The following ADGRF5 variants were observed in gnomAD, a reference collection of about 807,000 sequenced individuals.
The protein encoded by ADGRF5 is G-protein coupled receptor 116.
A neutral mutation model predicts 132.3 loss-of-function variants in ADGRF5; 75 were observed. That is an observed-to-expected ratio of 0.57 (90% CI 0.47 to 0.69). ADGRF5 has a LOEUF of 0.69. Among genes scored for constraint, ADGRF5 ranks in the 30% least tolerant of loss-of-function variants. The pLI is 0.00. For missense variants in ADGRF5, 1,516 were observed against 1,630.6 expected (o/e 0.93, Z 1.21); for synonymous variants, 629 against 597.6 (o/e 1.05, Z -0.77).
chr6:46,885,889 A>G (rs555942346), intron 4 of ADGRF5, among the ~76,000 whole-genome samples: 4 of 152,250 alleles, frequency 2.6e-5, no homozygotes, highest in Non-Finnish European at 4.4e-5. Context: ...CTTAACAAAT[A>G]TAAATACAAT....
Position 46,943,848 on chromosome 6 carries a change from C to G in ADGRF5, c.-25+10886G>C, listed in dbSNP as rs112622355. On this transcript the variant is annotated intron_variant, in intron 1 of 20. Coordinates refer to the ADGRF5 transcript ENST00000265417. ...ACATACGATGGTTCAAAGGATGGTA[C>G]AAAGCGATACAGAATTCTCTTCCAA... is the stretch of plus-strand genomic sequence containing the variant. Among the ~76,000 whole-genome samples, 704 of 152,238 alleles carry G rather than the reference C, an allele frequency of 4.6e-3. 4 individuals carry two copies. The highest frequency in any genetic ancestry group is 7.8e-3 in the Non-Finnish European group (530 of 68,022).
intron 17 of ADGRF5, 30 bp from the exon 18 acceptor site, chr6:46,856,938 A>G: frequency 6.5e-7 from 1 of 1,537,330 alleles, no homozygotes; most frequent in Non-Finnish European, 9.0e-7. Flanking sequence ...AAAGAAGTGC[A>G]TTTTAATTAT....
intron 11 of ADGRF5, among the ~76,000 whole-genome samples, chr6:46,869,648 C>G (rs905007939): frequency 6.6e-6 from 1 of 152,146 alleles, no homozygotes; most frequent in African/African-American, 2.4e-5. Flanking sequence ...AGTACACAGT[C>G]AATGCTTAAT....
chr6:46,953,687 A>ATCTATC (rs1554131451), intron 1 of ADGRF5, among the ~76,000 whole-genome samples: 4 of 130,274 alleles, frequency 3.1e-5, no homozygotes, highest in Non-Finnish European at 6.5e-5. Context: ...ATATATATAT[A>ATCTATC]TATCTCACTG....
rs148575429 is a variant in ADGRF5, at chr6:46,902,694, T to C, written c.103-2611A>G. ...AACTTTCAGGCCACATCTTTGCAAG[T>C]GCCGCTTCCACAGCTCTGTCACCTA... On this transcript the variant is annotated intron_variant, in intron 2 of 20. Coordinates refer to ENST00000283296, the MANE Select transcript of ADGRF5 (RefSeq NM_001098518.2). Among the ~76,000 whole-genome samples, 914 of 152,294 alleles carry C rather than the reference T, an allele frequency of 6.0e-3. 9 individuals are homozygous for C. Among genetic ancestry groups the C allele is most frequent in the African/African-American group, 0.021 (866 of 41,562 alleles).
In ADGRF5 at chr6:46,861,707, A is replaced by G. The variant is rs559905539; in HGVS notation, c.2200-813T>C. ...TTCCTATAATTCCTAACATAGTACA[A>G]GTCATATAACTCAGCACACAGTAAG... On this transcript the variant is annotated intron_variant, in intron 15 of 20. Coordinates refer to ENST00000283296, the MANE Select transcript of ADGRF5 (RefSeq NM_001098518.2). Among the ~76,000 whole-genome samples, 7 of 152,350 alleles carry G rather than the reference A, an allele frequency of 4.6e-5. No homozygotes were observed. In the East Asian group the frequency reaches 1.3e-3, roughly 29 times the overall value.
At position 46,900,096 on chromosome 6, in the gene ADGRF5, T is replaced by C; in HGVS notation, c.103-13A>G. 1.2e-6 allele frequency: 2 copies of C among 1,605,922 alleles called. No individual in the cohort carries two copies. Among genetic ancestry groups the C allele is most frequent in the Non-Finnish European group, 8.5e-7 (1 of 1,172,524 alleles). ...GTTCATGAAGACTCTGAAAAGAACA[T>C]TTGAGAAAGTTGTCAATTAACGTTA... On this transcript the variant is annotated splice_polypyrimidine_tract_variant and intron_variant, in intron 2 of 20. Transcript: ENST00000283296.
chr6:46,930,732 C>T (rs975274509), intron 1 of ADGRF5, among the ~76,000 whole-genome samples: 3 of 152,156 alleles, frequency 2.0e-5, no homozygotes, highest in African/African-American at 7.2e-5. Context: ...ATCCTTGCCT[C>T]ATATTTCACT....
rs76660188 is a variant in ADGRF5 at position 46,915,288 on chromosome 6, T to TTAATAATAATAATAA, written c.-25+6410_-25+6424dup. ...AGCTCCAAAATAATACTTGACTATT[T>TTAATAATAATAATAA]TAATAATAATAATAATAATAATAAT... On this transcript the variant is annotated intron_variant, in intron 1 of 20. Transcript: ENST00000283296. 6.7e-3 allele frequency among the ~76,000 whole-genome samples: 1,005 copies of TTAATAATAATAATAA among 149,582 alleles called. 10 individuals carry two copies. Among genetic ancestry groups the TTAATAATAATAATAA allele is most frequent in the African/African-American group, 0.022 (878 of 40,522 alleles).
At position 46,909,687 on chromosome 6, in the gene ADGRF5, G is replaced by A. The variant is rs142560266; in HGVS notation, c.-24-2901C>T. 1.8e-3 allele frequency among the ~76,000 whole-genome samples: 278 copies of A among 152,228 alleles called. 3 individuals carry two copies. The highest frequency in any genetic ancestry group is 6.4e-3 in the African/African-American group (265 of 41,544). ...GTTCTTACAACCCTTAGAAACAACC[G>A]GTGCTGGCTGGGTGTGGTAATGCAT... On this transcript the variant is annotated intron_variant, in intron 1 of 20. Transcript: ENST00000283296.
chr6:46,944,198 G>T (rs9296516), intron 1 of ADGRF5, among the ~76,000 whole-genome samples: 1 of 152,068 alleles, frequency 6.6e-6, no homozygotes, highest in Non-Finnish European at 1.5e-5. Flanking sequence ...GGATAAAACC[G>T]TTCAGATCAT....
At chr6:46,930,809 T>C (rs1777522838) in intron 1 of ADGRF5, among the ~76,000 whole-genome samples, 1 of 152,146 alleles carries the variant, frequency 6.6e-6, no homozygotes, top group African/African-American at 2.4e-5. Context: ...TCCCAACAGT[T>C]TGGGAGGCTG....
At chr6:46,946,765 C>T (rs35870788) in intron 1 of ADGRF5, among the ~76,000 whole-genome samples, 5,004 of 152,176 alleles carry the variant, frequency 0.033, 118 homozygotes, top group Middle Eastern at 0.058. Context: ...AGGCCAATGG[C>T]GTTATTTCCT....
intron 1 of ADGRF5, among the ~76,000 whole-genome samples, chr6:46,954,496 C>G (rs1778649510): frequency 6.6e-6 from 1 of 151,286 alleles, no homozygotes; most frequent in Admixed American, 6.6e-5. Context: ...AGAATCGACA[C>G]CATGATCTAT....
rs143562352 is a variant in ADGRF5 at position 46,900,633 on chromosome 6, C to G, written c.103-550G>C. ...GTAGTAGGAACTAAGAAAGCCTGCT[C>G]TAGAGTCAGACTGCCTGGGTACAAG... On this transcript the variant is annotated intron_variant, in intron 2 of 20. Coordinates refer to ENST00000283296, the MANE Select transcript of ADGRF5 (RefSeq NM_001098518.2). Among the ~76,000 whole-genome samples, 264 of 152,278 alleles carry G rather than the reference C, an allele frequency of 1.7e-3. 1 individual carries two copies. The highest frequency in any genetic ancestry group is 6.1e-3 in the African/African-American group (253 of 41,556).
chr6:46,881,345 G>T (rs1772436552), intron 8 of ADGRF5, 110 bp downstream of exon 8: 1 of 888,362 alleles, frequency 1.1e-6, no homozygotes. Context: ...AACCCCCTGT[G>T]CCAGGAACTG....
chr6:46,910,055 A>C (rs1401179686), intron 1 of ADGRF5, among the ~76,000 whole-genome samples: 1 of 151,890 alleles, frequency 6.6e-6, no homozygotes, highest in Non-Finnish European at 1.5e-5. Flanking sequence ...AGAAACAATC[A>C]GTGCTTAAGA....
rs1326253049 is a variant in ADGRF5 at position 46,881,573 on chromosome 6, A to G, written c.696T>C (p.Tyr232=). Residue 232 remains tyrosine, a synonymous_variant, in exon 8 of 21, where the codon TAT becomes TAC. Transcript: ENST00000283296. The part of the protein sequence containing the change: ...GFKSGSVVVT[Y]EVKTTPPSLE... ...GTGATGGTGGTGTAGTCTTGACTTC[A>G]TATGTCACAACCACACTTCCAGACC... 7.4e-6 allele frequency: 12 copies of G among 1,613,756 alleles called. No individual in the cohort carries two copies. The highest frequency in any genetic ancestry group is 9.3e-6 in the Non-Finnish European group (11 of 1,179,820).
At chr6:46,901,106 G>T (rs1463566823) in intron 2 of ADGRF5, among the ~76,000 whole-genome samples, 8 of 152,188 alleles carry the variant, frequency 5.3e-5, no homozygotes, top group Admixed American at 5.2e-4. Context: ...GGGGCATCAT[G>T]CTGCACCTGC....
Sources: allele counts gnomAD v4.1 joint callset (sites outside exome capture counted in the v4.1 genomes callset), GRCh38; gene constraint gnomAD v4.1.1; transcripts MANE v1.5; gene names NCBI Gene and HGNC (gene_info 2026-07-23, HGNC 2026-07-21).